Variants in BDNF observed in about 807,000 individuals in gnomAD.
The protein encoded by BDNF is neurotrophic factor BDNF precursor form.
BDNF carries 1 observed loss-of-function variant against 19.5 expected under a neutral mutation model. That is an observed-to-expected ratio of 0.05 (90% CI 0.02 to 0.24). The LOEUF is 0.24. Among genes scored for constraint, BDNF ranks in the 10% least tolerant of loss-of-function variants. The pLI, the probability that BDNF is intolerant of heterozygous loss-of-function variation, is 1.00. For synonymous variants in BDNF, 100 were observed against 121.6 expected (o/e 0.82, Z 1.17); for missense variants, 195 against 317.6 (o/e 0.61, Z 2.93).
At chr11:27,709,690 C>A (rs1301767246) in intron 1 of BDNF, among the ~76,000 whole-genome samples, 2 of 152,056 alleles carry the variant, frequency 1.3e-5, no homozygotes, top group African/African-American at 4.8e-5. Flanking sequence ...CTTCACTAGC[C>A]CAAGATTGTT....
At chr11:27,691,183 A>C (rs1858221225) in intron 1 of BDNF, 1 of 152,202 alleles carries the variant, frequency 6.6e-6, no homozygotes, top group Admixed American at 6.5e-5. Context: ...TTAAAAATAC[A>C]GTTTGGGGGC....
At chr11:27,691,602 G>C (rs1285018773) in intron 1 of BDNF, among the ~76,000 whole-genome samples, 1 of 152,146 alleles carries the variant, frequency 6.6e-6, no homozygotes, top group East Asian at 1.9e-4. Context: ...ATACCTAAAA[G>C]CAGTATGAGA....
At chr11:27,683,414 G>A (rs1305050544) in intron 1 of BDNF, among the ~76,000 whole-genome samples, 2 of 152,154 alleles carry the variant, frequency 1.3e-5, no homozygotes, top group East Asian at 3.8e-4. Flanking sequence ...AGTTTAATTA[G>A]ATCCCATTTG....
At chr11:27,697,519 C>G (rs1859245157) in intron 1 of BDNF, 1 of 152,130 alleles carries the variant, frequency 6.6e-6, no homozygotes, top group African/African-American at 2.4e-5. Flanking sequence ...AGAAATACCC[C>G]AGGACCTCCC....
intron 1 of BDNF, among the ~76,000 whole-genome samples, chr11:27,706,036 A>G (rs1398232525): frequency 6.6e-6 from 1 of 152,160 alleles, no homozygotes; most frequent in Non-Finnish European, 1.5e-5. Flanking sequence ...TAGAAAGATG[A>G]TGGTAAACAT....
At chr11:27,667,604 CA>C (rs1346605039) in intron 1 of BDNF, among the ~76,000 whole-genome samples, 8 of 152,078 alleles carry the variant, frequency 5.3e-5, no homozygotes, top group Admixed American at 4.6e-4. Flanking sequence ...CAAAAAAAAG[CA>C]GGAGTTGCAA....
chr11:27,681,507 T>C (rs1450152613), intron 1 of BDNF, among the ~76,000 whole-genome samples: 3 of 152,182 alleles, frequency 2.0e-5, no homozygotes, highest in Non-Finnish European at 2.9e-5. Flanking sequence ...TTTATTATTA[T>C]GGGCAAGAGT....
In BDNF at chr11:27,657,457, GTGTGTGT is replaced by G; in HGVS notation, c.*357_*363del. The G allele has an allele frequency of 9.9e-7, 1 of 1,007,100 alleles. No individual in the cohort carries two copies. The highest frequency in any genetic ancestry group is 3.3e-5 in the South Asian group (1 of 29,922). The allele number at this position is 1,007,100 out of a possible 1,614,324, so 62.4% of individuals were successfully genotyped here. A position where few individuals can be genotyped will look rare whatever the true frequency, so the allele number is the denominator to read the frequency against. The stretch of plus-strand genomic sequence containing the variant: ...TTTGGTTCAAATTTTTGTTGTGTGT[GTGTGTGT>G]TTTTTTTCTGTTTTCTGAAAGAGGA... On this transcript the variant is annotated 3_prime_UTR_variant, in exon 2 of 2. Coordinates refer to ENST00000356660, the MANE Select transcript of BDNF (RefSeq NM_001709.5). This position sits in a 1 kb window ranked among gnomAD's most constrained non-coding sequence, Gnocchi z 5.0.
intron 1 of BDNF, among the ~76,000 whole-genome samples, chr11:27,714,737 G>C (rs1052117291): frequency 3.3e-5 from 5 of 152,202 alleles, no homozygotes; most frequent in South Asian, 2.1e-4. Context: ...GCAAGAAATA[G>C]TTATAGACTA....
At chr11:27,712,558 C>G (rs1318217892) in intron 1 of BDNF, among the ~76,000 whole-genome samples, 1 of 150,910 alleles carries the variant, frequency 6.6e-6, no homozygotes, top group Non-Finnish European at 1.5e-5. Flanking sequence ...ACTGTGTCAT[C>G]CAGGCTGGAG....
chr11:27,665,806 A>G (rs566622808), intron 1 of BDNF, among the ~76,000 whole-genome samples: 149 of 152,324 alleles, frequency 9.8e-4, no homozygotes, highest in African/African-American at 3.5e-3. Context: ...CAGCTCAAGG[A>G]GGCCTGCCTG....
At chr11:27,700,654 C>T, upstream of BDNF, 1 of 1,003,636 alleles carries the variant, frequency 1.0e-6, no homozygotes, top group Middle Eastern at 5.1e-4. Flanking sequence ...GAACTCCCCG[C>T]TCCCCCGGGG....
chr11:27,694,932 T>C (rs1228705316), intron 1 of BDNF, among the ~76,000 whole-genome samples: 1 of 152,198 alleles, frequency 6.6e-6, no homozygotes, highest in Non-Finnish European at 1.5e-5. Flanking sequence ...TAATAAATGT[T>C]AAAAAGGATG....
chr11:27,689,535 T>G (rs1186956021), intron 1 of BDNF, among the ~76,000 whole-genome samples: 1 of 152,310 alleles, frequency 6.6e-6, no homozygotes, highest in Non-Finnish European at 1.5e-5. Flanking sequence ...ACCAGCTGAA[T>G]TTTGGTCTCA....
intron 1 of BDNF, chr11:27,699,739 G>A: frequency 7.5e-7 from 1 of 1,334,720 alleles, no homozygotes; most frequent in African/African-American, 1.5e-5. Context: ...TCGGCGCGGG[G>A]ACCACCCACC....
intron 1 of BDNF, among the ~76,000 whole-genome samples, chr11:27,671,060 G>A (rs1011312449): frequency 1.3e-5 from 2 of 152,054 alleles, no homozygotes; most frequent in East Asian, 3.9e-4. Context: ...CGCAAGGACA[G>A]AAAACCAAAC....
intron 1 of BDNF, chr11:27,665,291 T>C (rs1854113734): frequency 6.6e-6 from 1 of 152,214 alleles, no homozygotes; most frequent in Non-Finnish European, 1.5e-5. Flanking sequence ...ATAAAGAACT[T>C]GGAAAGGGAG....
chr11:27,676,280 T>C (rs1326480406), intron 1 of BDNF: 1 of 152,194 alleles, frequency 6.6e-6, no homozygotes, highest in Non-Finnish European at 1.5e-5. Context: ...AACTCTTCTA[T>C]AAAGGGGAAG....
At chr11:27,662,277 G>A (rs949886256) in intron 1 of BDNF, among the ~76,000 whole-genome samples, 3 of 152,202 alleles carry the variant, frequency 2.0e-5, no homozygotes, top group African/African-American at 7.2e-5. Flanking sequence ...CAGCTGAAAG[G>A]TAAGTTCTTT....
Sources: allele counts gnomAD v4.1 joint callset (sites outside exome capture counted in the v4.1 genomes callset), GRCh38; gene constraint gnomAD v4.1.1; non-coding constraint Gnocchi (gnomAD v3.1); transcripts MANE v1.5; gene names NCBI Gene and HGNC (gene_info 2026-07-23, HGNC 2026-07-21).